The following SMARCA1 variants were observed in gnomAD, a reference collection of about 807,000 sequenced individuals.
SMARCA1 encodes SNF2 related chromatin remodeling ATPase 1.
A neutral mutation model predicts 93.6 loss-of-function variants in SMARCA1; 17 were observed. The ratio of observed to expected loss-of-function variants is 0.18; its 90% CI spans 0.12 to 0.27. The LOEUF (loss-of-function observed/expected upper bound fraction) is 0.27, where lower values mean the gene tolerates loss of function less well. Among genes scored for constraint, SMARCA1 ranks in the 10% least tolerant of loss-of-function variants. The pLI is 1.00. For synonymous variants in SMARCA1, 271 were observed against 271.4 expected (o/e 1.00, Z 0.01); for missense variants, 630 against 819.0 (o/e 0.77, Z 2.82).
rs183246936 is a variant in SMARCA1, at chrX:129,500,999, C to T, written c.1168-1158G>A. ...CAGGTTATATCACAAGACAATAGTG[C>T]TACAATCTATAGAGTACCTACCTAC... On this transcript the variant is annotated intron_variant, in intron 9 of 24. Transcript: ENST00000371121. Among the ~76,000 whole-genome samples, 374 of 112,322 alleles carry T rather than the reference C, an allele frequency of 3.3e-3. 4 individuals are homozygous for T. Among genetic ancestry groups the T allele is most frequent in the African/African-American group, 0.012 (363 of 30,954 alleles).
At position 129,447,078 on chromosome X, in the gene SMARCA1, T is replaced by C. The variant is rs1285606128; in HGVS notation, c.*84A>G. On this transcript the variant is annotated 3_prime_UTR_variant, in exon 25 of 25. Transcript: ENST00000371121. ...CAAAGAGATTTTTCTTAGAGTACCA[T>C]GAATACACTGGAACTGGCAATTAGC... The C allele has an allele frequency of 2.7e-6, 2 of 740,028 alleles. No homozygotes were observed. Among genetic ancestry groups the C allele is most frequent in the East Asian group, 7.1e-5 (2 of 28,190 alleles). The allele number at this position is 740,028 out of a possible 1,213,427, so 61.0% of individuals were successfully genotyped here. A position where few individuals can be genotyped will look rare whatever the true frequency, so the allele number is the denominator to read the frequency against.
At chrX:129,521,587 A>G (rs1935398299) in intron 1 of SMARCA1, among the ~76,000 whole-genome samples, 1 of 111,480 alleles carries the variant, frequency 9.0e-6, no homozygotes, top group African/African-American at 3.3e-5. Context: ...CACAATACAA[A>G]ATTTTATACA....
intron 23 of SMARCA1, among the ~76,000 whole-genome samples, chrX:129,460,508 G>A (rs758926373): frequency 4.5e-4 from 50 of 110,305 alleles, no homozygotes; most frequent in Admixed American, 1.3e-3. Context: ...AAAATTAGCC[G>A]GTCGTAGTGA....
Position 129,480,807 on chromosome X carries a change from C to A in SMARCA1, c.2336G>T (p.Arg779Leu). Residue 779 changes from arginine (R) to leucine (L), a missense_variant, in exon 19 of 25, where the codon CGG becomes CTG. Physicochemically the swap from Arg to Leu is moderately radical, Grantham distance 102. Transcript: ENST00000371121. ...CTGAACATTTGGCTGTTTTGGAGGCCGTGGAGCCTATGAGGGAGGAAAATG... is the reference window on the plus strand; with the variant it reads ...CTGAACATTTGGCTGTTTTGGAGGCAGTGGAGCCTATGAGGGAGGAAAATG... Reference protein sequence around the residue: ...VSEPKIPKAPRPPKQPNVQDF... With the variant: ...VSEPKIPKAPLPPKQPNVQDF... The A allele has an allele frequency of 8.8e-7, 1 of 1,136,354 alleles. No individual in the cohort carries two copies. The highest frequency in any genetic ancestry group is 1.2e-6 in the Non-Finnish European group (1 of 850,633). The allele number at this position is 1,136,354 out of a possible 1,213,427, so 93.6% of individuals were successfully genotyped here. A position where few individuals can be genotyped will look rare whatever the true frequency, so the allele number is the denominator to read the frequency against.
At chrX:129,492,154 G>T in intron 13 of SMARCA1, 61 bp from the exon 14 acceptor site, 1 of 678,475 alleles carries the variant, frequency 1.5e-6, no homozygotes, top group South Asian at 3.2e-5. Flanking sequence ...AGACCATCAG[G>T]GTCCTTAAGA....
intron 23 of SMARCA1, among the ~76,000 whole-genome samples, chrX:129,449,823 A>T (rs746871490): frequency 8.0e-4 from 88 of 109,978 alleles, no homozygotes; most frequent in Middle Eastern, 4.6e-3. Context: ...GGAATAGAAA[A>T]CTCACCAAAA....
At chrX:129,455,799 G>A (rs1392154600) in intron 23 of SMARCA1, among the ~76,000 whole-genome samples, 2 of 112,011 alleles carry the variant, frequency 1.8e-5, no homozygotes, top group East Asian at 5.6e-4. Context: ...TAAGGAAGGT[G>A]CAGAAGAAAA....
chrX:129,504,139 G>C (rs1333691066), intron 9 of SMARCA1, among the ~76,000 whole-genome samples: 1 of 110,850 alleles, frequency 9.0e-6, no homozygotes, highest in East Asian at 2.8e-4. Context: ...TTAGCCGGGC[G>C]TGGTGGCACA....
At position 129,480,776 on chromosome X, in the gene SMARCA1, A is replaced by G. The variant is rs146489968; in HGVS notation, c.2367T>C (p.Phe789=). ...RPPKQPNVQD[F]QFFPPRLFEL... is the part of the protein sequence containing the mutation. ...CAAATAAGCGTGGTGGGAAAAATTGAAAATCCTGAACATTTGGCTGTTTTG... is the reference window on the plus strand; with the variant it reads ...CAAATAAGCGTGGTGGGAAAAATTGGAAATCCTGAACATTTGGCTGTTTTG... The change falls in exon 19 of 25, where the codon TTT becomes TTC. Residue 789 remains phenylalanine (F), a synonymous_variant. Coordinates refer to ENST00000371121, the MANE Select transcript of SMARCA1 (RefSeq NM_001282874.2). The G allele has an allele frequency of 3.5e-5, 40 of 1,152,347 alleles. No homozygotes were observed. The African/African-American group carries it at 6.9e-4, about 20-fold the overall frequency. 95.0% of individuals were successfully genotyped at this position (1,152,347 alleles called of 1,213,427 possible).
At position 129,480,682 on chromosome X, in the gene SMARCA1, TA is replaced by T. The variant is rs1341745566; in HGVS notation, c.2442+18del. The T allele has an allele frequency of 2.5e-6, 2 of 806,111 alleles. No homozygotes were observed. The highest frequency in any genetic ancestry group is 3.4e-6 in the Non-Finnish European group (2 of 589,713). The allele number at this position is 806,111 out of a possible 1,213,427, so 66.4% of individuals were successfully genotyped here. A position where few individuals can be genotyped will look rare whatever the true frequency, so the allele number is the denominator to read the frequency against. On this transcript the variant is annotated intron_variant, in intron 19 of 24. Transcript: ENST00000371121. ...TTTAAAGATTATATTATATTAATCT[TA>T]AAAAATGGAAAAAATACCTTATAGC...
intron 13 of SMARCA1, 88 bp downstream of exon 13, chrX:129,492,952 A>C (rs1471412138): frequency 1.3e-5 from 5 of 376,019 alleles, no homozygotes; most frequent in African/African-American, 1.0e-4. Flanking sequence ...GGGCACTCTC[A>C]TACATTGCTG....
intron 19 of SMARCA1, among the ~76,000 whole-genome samples, chrX:129,474,868 C>T (rs1400660677): frequency 9.1e-6 from 1 of 110,327 alleles, no homozygotes; most frequent in Non-Finnish European, 1.9e-5. Flanking sequence ...ATGCTGTTCT[C>T]GTGATAGTGA....
At chrX:129,463,798 C>T (rs1015623724) in intron 23 of SMARCA1, among the ~76,000 whole-genome samples, 1 of 109,957 alleles carries the variant, frequency 9.1e-6, no homozygotes, top group African/African-American at 3.3e-5. Context: ...GTTAGCCGGG[C>T]GTGGTGCAGG....
At chrX:129,505,865 G>C (rs1254447177) in intron 8 of SMARCA1, among the ~76,000 whole-genome samples, 3 of 111,565 alleles carry the variant, frequency 2.7e-5, no homozygotes, top group African/African-American at 9.8e-5. Context: ...AGACAAAATT[G>C]AACAGGCAAG....
chrX:129,463,663 C>T (rs951071092), intron 23 of SMARCA1, among the ~76,000 whole-genome samples: 10 of 111,644 alleles, frequency 9.0e-5, no homozygotes, highest in Non-Finnish European at 1.9e-4. Context: ...GTTTGCTGGG[C>T]GCGGTGGTTC....
At chrX:129,508,828 A>C (rs1934919236) in intron 6 of SMARCA1, among the ~76,000 whole-genome samples, 1 of 112,585 alleles carries the variant, frequency 8.9e-6, no homozygotes, top group African/African-American at 3.2e-5. Context: ...AGATGTTATC[A>C]GTCAAAATAA....
chrX:129,474,323 C>T (rs1933275149), intron 19 of SMARCA1, among the ~76,000 whole-genome samples: 1 of 111,116 alleles, frequency 9.0e-6, no homozygotes, highest in African/African-American at 3.3e-5. Context: ...TGAAAGAAAC[C>T]TCTTTGATCT....
chrX:129,447,726 C>T (rs1048827851), intron 24 of SMARCA1, among the ~76,000 whole-genome samples: 2 of 111,525 alleles, frequency 1.8e-5, no homozygotes, highest in Admixed American at 9.5e-5. Flanking sequence ...TAAAATAATG[C>T]TGTGTCTTAC....
chrX:129,467,116 T>C (rs1434775472), intron 21 of SMARCA1, among the ~76,000 whole-genome samples: 4 of 112,099 alleles, frequency 3.6e-5, no homozygotes, highest in African/African-American at 1.3e-4. Flanking sequence ...TTTAAACACT[T>C]GCTATGTACA....
Sources: gnomAD v4.1 joint callset for allele counts (sites outside exome capture counted in the v4.1 genomes callset) on GRCh38, gnomAD v4.1.1 for gene constraint, MANE v1.5 for transcripts, NCBI Gene and HGNC (gene_info 2026-07-23, HGNC 2026-07-21) for gene names.